The following RILPL1 variants were observed in gnomAD, a reference collection of about 807,000 sequenced individuals.
RILPL1 encodes the protein Rab interacting lysosomal protein like 1, also known as RILP-like protein 1.
In RILPL1, 33 loss-of-function variants were observed where a neutral mutation model predicts 50.3. The observed-to-expected ratio is 0.66, with a 90% CI of 0.50 to 0.88. RILPL1 has a LOEUF of 0.88. Ranked by LOEUF, RILPL1 falls within the 40% of genes least tolerant of loss-of-function variation. The pLI is 0.00. For missense variants in RILPL1, 418 were observed against 542.5 expected, an observed-to-expected ratio of 0.77 and a Z score of 2.28; for synonymous variants, 205 against 228.6, an observed-to-expected ratio of 0.90 and a Z score of 0.93.
At chr12:123,520,559 A>AAAAC (rs1199967406) in intron 2 of RILPL1, among the ~76,000 whole-genome samples, 54 of 152,144 alleles carry the variant, frequency 3.5e-4, no homozygotes, top group African/African-American at 1.2e-3. Context: ...ACTCCGTCTC[A>AAAAC]AAACAAACAA....
intron 2 of RILPL1, among the ~76,000 whole-genome samples, chr12:123,509,243 C>G (rs1384908203): frequency 6.6e-6 from 1 of 152,162 alleles, no homozygotes; most frequent in African/African-American, 2.4e-5. Context: ...TCTGTCCATA[C>G]AACGGAATGT....
chr12:123,484,133 GA>G, intron 6 of RILPL1, 46 bp downstream of exon 6: 1 of 1,282,712 alleles, frequency 7.8e-7, no homozygotes, highest in Non-Finnish European at 1.1e-6. Flanking sequence ...AAGGACACGT[GA>G]ACCGCCAGGT....
intron 6 of RILPL1, among the ~76,000 whole-genome samples, chr12:123,476,899 G>A (rs960462757): frequency 1.3e-4 from 20 of 152,312 alleles, no homozygotes; most frequent in African/African-American, 3.4e-4. Context: ...TGTGGGGAAC[G>A]AAGAAGGCAA....
At chr12:123,482,179 T>C (rs1225746955) in intron 6 of RILPL1, among the ~76,000 whole-genome samples, 3 of 152,108 alleles carry the variant, frequency 2.0e-5, no homozygotes, top group Non-Finnish European at 2.9e-5. Flanking sequence ...GCCTCCAAAT[T>C]CGTTTTCTTA....
intron 2 of RILPL1, among the ~76,000 whole-genome samples, chr12:123,508,726 G>A (rs566333389): frequency 3.4e-4 from 51 of 151,884 alleles, no homozygotes; most frequent in African/African-American, 4.3e-4. Context: ...TGTTAAGGCC[G>A]GGCACAGTGG....
At chr12:123,516,327 G>C (rs28485432) in intron 2 of RILPL1, among the ~76,000 whole-genome samples, 1 of 152,236 alleles carries the variant, frequency 6.6e-6, no homozygotes, top group Non-Finnish European at 1.5e-5. Context: ...CTCTGCACTA[G>C]AAGTCCAGCT....
chr12:123,476,290 A>G (rs1881580176), intron 6 of RILPL1, among the ~76,000 whole-genome samples: 1 of 111,544 alleles, frequency 9.0e-6, no homozygotes, highest in Non-Finnish European at 1.8e-5. Flanking sequence ...AAAATACAAA[A>G]ATTAGCCGGG....
intron 2 of RILPL1, among the ~76,000 whole-genome samples, chr12:123,509,335 A>C (rs912305620): frequency 2.6e-5 from 4 of 152,162 alleles, no homozygotes. Context: ...AGGCTGAGGC[A>C]GGTGGATCAC....
intron 6 of RILPL1, among the ~76,000 whole-genome samples, chr12:123,479,001 C>T (rs1214714168): frequency 6.6e-6 from 1 of 152,160 alleles, no homozygotes; most frequent in East Asian, 1.9e-4. Context: ...AAAACAGTTC[C>T]CTTGTCCGGT....
At chr12:123,517,927 A>C (rs775764174) in intron 2 of RILPL1, among the ~76,000 whole-genome samples, 2 of 152,230 alleles carry the variant, frequency 1.3e-5, no homozygotes, top group Non-Finnish European at 2.9e-5. Flanking sequence ...GGGCTACAAA[A>C]TGGATAAACC....
intron 6 of RILPL1, chr12:123,475,694 G>A: frequency 1.3e-6 from 2 of 1,594,024 alleles, no homozygotes; most frequent in East Asian, 2.2e-5. Context: ...AGGCTGCAGT[G>A]TGGGGTCATC....
intron 2 of RILPL1, among the ~76,000 whole-genome samples, chr12:123,513,023 TA>T (rs1593589080): frequency 7.0e-6 from 1 of 143,734 alleles, no homozygotes; most frequent in East Asian, 2.1e-4. Context: ...GATCTGTGTG[TA>T]TGAGGTCTGT....
chr12:123,515,982 T>C (rs1255615633), intron 2 of RILPL1, among the ~76,000 whole-genome samples: 1 of 138,110 alleles, frequency 7.2e-6, no homozygotes, highest in Admixed American at 8.4e-5. Context: ...TGCAGTGAGC[T>C]GAGATTGCAG....
chr12:123,492,445 C>G (rs1208966507), intron 4 of RILPL1, among the ~76,000 whole-genome samples: 1 of 152,036 alleles, frequency 6.6e-6, no homozygotes, highest in Non-Finnish European at 1.5e-5. Flanking sequence ...AGGCAGCTAC[C>G]GCAGGAGCAG....
intron 2 of RILPL1, among the ~76,000 whole-genome samples, chr12:123,512,832 CTG>C (rs1314208505): frequency 1.1e-5 from 1 of 91,740 alleles, no homozygotes. Context: ...TGTGTGAGGT[CTG>C]TGTGTGCTGT....
At chr12:123,486,616 T>G (rs1170874551) in intron 4 of RILPL1, among the ~76,000 whole-genome samples, 1 of 152,218 alleles carries the variant, frequency 6.6e-6, no homozygotes, top group East Asian at 1.9e-4. Context: ...AACATTTTCT[T>G]CATACCAAAA....
At chr12:123,529,714 C>A (rs977158671) in intron 1 of RILPL1, among the ~76,000 whole-genome samples, 6 of 151,718 alleles carry the variant, frequency 4.0e-5, no homozygotes, top group African/African-American at 1.5e-4. Flanking sequence ...CATAGTGACA[C>A]CTTGTCTCTA....
chr12:123,475,906 T>A (rs926702141), intron 6 of RILPL1: 12 of 460,792 alleles, frequency 2.6e-5, no homozygotes, highest in East Asian at 1.6e-4. Flanking sequence ...AATTTTTTTT[T>A]TTTTTTTTTT....
chr12:123,521,310 T>A (rs1478611755), intron 2 of RILPL1, among the ~76,000 whole-genome samples: 1 of 151,926 alleles, frequency 6.6e-6, no homozygotes, highest in East Asian at 1.9e-4. Context: ...CAAAGTCACA[T>A]AGCAGGGAGG....
Sources: allele counts gnomAD v4.1 joint callset (sites outside exome capture counted in the v4.1 genomes callset), GRCh38; gene constraint gnomAD v4.1.1; transcripts MANE v1.5; gene names NCBI Gene and HGNC (gene_info 2026-07-23, HGNC 2026-07-21).